The following CENPN variants were observed in gnomAD, a reference collection of about 807,000 sequenced individuals.
CENPN encodes the protein centromere protein N.
In CENPN, 36 loss-of-function variants were observed where a neutral mutation model predicts 48.6. That is an observed-to-expected ratio of 0.74 (90% CI 0.57 to 0.98). The LOEUF (loss-of-function observed/expected upper bound fraction) is 0.98. CENPN is among the 50% of genes least tolerant of loss of function. The probability of loss-of-function intolerance (pLI) is 0.00; values close to 1 mark genes in which losing one functional copy is unlikely to be tolerated. For missense variants in CENPN, 439 were observed against 399.2 expected (o/e 1.10, Z -0.85); for synonymous variants, 166 against 135.2 (o/e 1.23, Z -1.58).
chr16:81,007,741 T>C (rs2911153), intron 1 of CENPN, among the ~76,000 whole-genome samples: 150,138 of 152,316 alleles, frequency 0.99, 74,032 homozygotes, highest in Middle Eastern at 1. Context: ...TGGATCTTTT[T>C]GATCATGCGT....
chr16:81,022,650 T>C lies in CENPN; in HGVS notation c.585T>C (p.Ser195=). Residue 195 remains serine (S), a synonymous_variant, in exon 7 of 11, where the codon AGT becomes AGC. Coordinates refer to ENST00000305850, the MANE Select transcript of CENPN (RefSeq NM_001100624.3). The stretch of plus-strand genomic sequence containing the variant: ...AGATTGTGAAAATGGACCTGAGAAG[T>C]CGGTATCTGGACTCTCTTAAGGCTA... ...HHQIVKMDLR[S]RYLDSLKAIV... The C allele has an allele frequency of 1.2e-6, 2 of 1,614,044 alleles. No homozygotes were observed. The highest frequency in any genetic ancestry group is 2.2e-5 in the South Asian group (2 of 91,086).
intron 3 of CENPN, among the ~76,000 whole-genome samples, chr16:81,016,391 G>T (rs1333537600): frequency 6.6e-6 from 1 of 152,178 alleles, no homozygotes; most frequent in Non-Finnish European, 1.5e-5. Flanking sequence ...TTAGACCTGG[G>T]ACTACAACAG....
In CENPN at chr16:81,022,485, A is replaced by G. The variant is rs974944271; in HGVS notation, c.532-112A>G. 3 of 884,492 alleles carry G rather than the reference A, an allele frequency of 3.4e-6. No homozygotes were observed. In the African/African-American group the frequency reaches 5.1e-5, roughly 15 times the overall value. 54.8% of individuals were successfully genotyped at this position (884,492 alleles called of 1,614,324 possible). On this transcript the variant is annotated intron_variant, in intron 6 of 10. Coordinates refer to ENST00000305850, the MANE Select transcript of CENPN (RefSeq NM_001100624.3). ...CAGATGTTTTTCTAGACTTCTTTTT[A>G]CACTTACGGGGAAACTATTCCCTAA...
At chr16:81,021,202 G>C (rs922452581) in intron 6 of CENPN, among the ~76,000 whole-genome samples, 8 of 151,474 alleles carry the variant, frequency 5.3e-5, no homozygotes, top group Non-Finnish European at 7.4e-5. Flanking sequence ...ATTTTCATTT[G>C]TAACCATTTC....
intron 3 of CENPN, among the ~76,000 whole-genome samples, chr16:81,016,546 G>A (rs9924299): frequency 0.022 from 3,327 of 152,318 alleles, 124 homozygotes; most frequent in African/African-American, 0.075. Context: ...TGGATCACCC[G>A]AGGTCAGGAG....
chr16:81,014,969 A>G (rs1483579715), intron 3 of CENPN, among the ~76,000 whole-genome samples: 1 of 152,232 alleles, frequency 6.6e-6, no homozygotes, highest in African/African-American at 2.4e-5. Context: ...ATTTTGCTCA[A>G]CTGTAGGCTA....
chr16:81,028,125 AT>A (rs762066801), intron 9 of CENPN, 45 bp from the exon 10 acceptor site: 8 of 1,372,924 alleles, frequency 5.8e-6, no homozygotes, highest in Non-Finnish European at 8.3e-6. Context: ...TACCATTCGT[AT>A]TTATACAATA....
At chr16:81,012,419 A>G (rs1268931102) in intron 2 of CENPN, among the ~76,000 whole-genome samples, 1 of 152,224 alleles carries the variant, frequency 6.6e-6, no homozygotes, top group African/African-American at 2.4e-5. Flanking sequence ...TGAAAAGACA[A>G]CAACACCCAG....
At position 81,029,945 on chromosome 16, in the gene CENPN, G is replaced by A. The variant is rs894547055; in HGVS notation, c.*1294G>A. The stretch of plus-strand genomic sequence containing the variant: ...AGGCTTAACTGACGCACATTTCCAC[G>A]TGGCCAGGGAGGCCTCACAATCATG... On this transcript the variant is annotated 3_prime_UTR_variant, in exon 11 of 11. Transcript: ENST00000305850. 6.6e-6 allele frequency among the ~76,000 whole-genome samples: 1 copy of A among 152,152 alleles called. No individual in the cohort carries two copies. Among genetic ancestry groups the A allele is most frequent in the Non-Finnish European group, 1.5e-5 (1 of 68,036 alleles).
chr16:81,032,305 A>T (rs2151728004), downstream of CENPN, among the ~76,000 whole-genome samples: 1 of 152,314 alleles, frequency 6.6e-6, no homozygotes, highest in Non-Finnish European at 1.5e-5. Context: ...TCCAAAGAGA[A>T]TCATTTACAA....
intron 1 of CENPN, among the ~76,000 whole-genome samples, chr16:81,008,182 G>C (rs1164510431): frequency 6.6e-6 from 1 of 152,032 alleles, no homozygotes; most frequent in Non-Finnish European, 1.5e-5. Context: ...GTCTTAATTG[G>C]TGAGACTGAG....
intron 7 of CENPN, 33 bp from the exon 8 acceptor site, chr16:81,024,682 A>T: frequency 7.0e-7 from 1 of 1,431,838 alleles, no homozygotes; most frequent in South Asian, 1.2e-5. Context: ...CAAGATGTCA[A>T]GATTAGTAAA....
intron 9 of CENPN, among the ~76,000 whole-genome samples, chr16:81,026,885 G>A (rs974705744): frequency 6.6e-6 from 1 of 152,130 alleles, no homozygotes; most frequent in Non-Finnish European, 1.5e-5. Flanking sequence ...CTGCCTCCCA[G>A]GTTCAAGCAA....
At chr16:81,020,853 G>A (rs1009992565) in intron 6 of CENPN, among the ~76,000 whole-genome samples, 2 of 152,144 alleles carry the variant, frequency 1.3e-5, no homozygotes, top group African/African-American at 2.4e-5. Flanking sequence ...ACTTTGGGAG[G>A]CCGAGGCAGG....
At chr16:81,007,302 G>C (rs1450506337) in intron 1 of CENPN, 25 bp downstream of exon 1, 1 of 153,044 alleles carries the variant, frequency 6.5e-6, no homozygotes, top group Non-Finnish European at 1.5e-5. Context: ...GGCGGCACTG[G>C]ATCGGGCCCC....
At chr16:81,009,044 T>C (rs1177281429) in intron 1 of CENPN, among the ~76,000 whole-genome samples, 1 of 152,124 alleles carries the variant, frequency 6.6e-6, no homozygotes, top group Non-Finnish European at 1.5e-5. Flanking sequence ...CCATCTTTAC[T>C]AAAAGTAGAA....
At chr16:81,008,406 T>A (rs911467818) in intron 1 of CENPN, among the ~76,000 whole-genome samples, 1 of 152,068 alleles carries the variant, frequency 6.6e-6, no homozygotes, top group Non-Finnish European at 1.5e-5. Flanking sequence ...GAGTCTTGCT[T>A]TGTCGCCCAT....
chr16:81,016,915 G>C (rs569994484), intron 3 of CENPN: 1 of 213,106 alleles, frequency 4.7e-6, no homozygotes, highest in East Asian at 1.7e-4. Flanking sequence ...AGAGCAGAAT[G>C]AGGTGGGGAG....
chr16:81,017,797 A>C lies in CENPN; in HGVS notation c.317A>C (p.Asn106Thr). 3 of 1,586,336 alleles carry C rather than the reference A, an allele frequency of 1.9e-6. No individual in the cohort carries two copies. Among genetic ancestry groups the C allele is most frequent in the African/African-American group, 1.4e-5 (1 of 73,314 alleles). ...VDLFDMKQFK[N>T]SFKKILQRAL... ...CTTTTTGATATGAAACAATTTAAAA[A>C]TTCGTTCAAGAAAATTCTTCAGAGA... Residue 106 changes from asparagine to threonine, a missense_variant, in exon 5 of 11, where the codon AAT becomes ACT. Transcript: ENST00000305850.
Sources: gnomAD v4.1 joint callset for allele counts (sites outside exome capture counted in the v4.1 genomes callset) on GRCh38, gnomAD v4.1.1 for gene constraint, MANE v1.5 for transcripts, NCBI Gene and HGNC (gene_info 2026-07-23, HGNC 2026-07-21) for gene names.